The following CERS6 variants were observed in gnomAD, a reference collection of about 807,000 sequenced individuals.
CERS6 encodes ceramide synthase 6, also known as LAG1 homolog, ceramide synthase 6.
A neutral mutation model predicts 56.8 loss-of-function variants in CERS6; 26 were observed. The observed-to-expected ratio is 0.46, with a 90% CI of 0.34 to 0.63. The LOEUF is 0.63. Ranked by LOEUF, CERS6 falls within the 30% of genes least tolerant of loss-of-function variation. The pLI is 0.01. For missense variants in CERS6, 415 were observed against 467.5 expected (o/e 0.89, Z 1.04); for synonymous variants, 164 against 173.3 (o/e 0.95, Z 0.42).
chr2:168,730,962 C>G (rs1683515278), intron 8 of CERS6, among the ~76,000 whole-genome samples: 1 of 152,108 alleles, frequency 6.6e-6, no homozygotes, highest in Admixed American at 6.6e-5. Flanking sequence ...CCATTGGAAA[C>G]ATGTTCAAAG....
intron 8 of CERS6, among the ~76,000 whole-genome samples, chr2:168,740,264 A>G (rs1166989801): frequency 6.6e-6 from 1 of 152,244 alleles, no homozygotes; most frequent in East Asian, 1.9e-4. Flanking sequence ...AAAAAATAGA[A>G]AAGAAATGAC....
At chr2:168,766,428 C>G in intron 9 of CERS6, 1 of 1,229,734 alleles carries the variant, frequency 8.1e-7, no homozygotes, top group South Asian at 1.2e-5. Flanking sequence ...TTTGTTTCCA[C>G]GCATATTGTT....
At chr2:168,493,442 A>G (rs1317677659) in intron 1 of CERS6, among the ~76,000 whole-genome samples, 1 of 152,148 alleles carries the variant, frequency 6.6e-6, no homozygotes, top group African/African-American at 2.4e-5. Context: ...GCTAATAAAC[A>G]CGGAAGCTGA....
chr2:168,646,576 G>A (rs945641894), intron 4 of CERS6, among the ~76,000 whole-genome samples: 5 of 152,098 alleles, frequency 3.3e-5, no homozygotes, highest in Admixed American at 6.6e-5. Flanking sequence ...CTTTTGTTGC[G>A]ATTGCTTTTG....
chr2:168,553,258 T>G (rs1414318539), intron 2 of CERS6, among the ~76,000 whole-genome samples: 3 of 152,170 alleles, frequency 2.0e-5, no homozygotes, highest in Non-Finnish European at 2.9e-5. Context: ...ATCTCTGTAA[T>G]AGGAATCCCT....
At chr2:168,510,533 A>G (rs766389387) in intron 1 of CERS6, among the ~76,000 whole-genome samples, 13 of 152,126 alleles carry the variant, frequency 8.5e-5, no homozygotes, top group Admixed American at 2.0e-4. Context: ...GTGTGAGTAC[A>G]CTCTGTGTTG....
chr2:168,472,773 G>C (rs929660563), intron 1 of CERS6, among the ~76,000 whole-genome samples: 1 of 152,118 alleles, frequency 6.6e-6, no homozygotes, highest in African/African-American at 2.4e-5. Context: ...ACAGATTAAG[G>C]ATGTTAAATA....
At chr2:168,569,827 A>C (rs1159771635) in intron 3 of CERS6, among the ~76,000 whole-genome samples, 1 of 152,186 alleles carries the variant, frequency 6.6e-6, no homozygotes, top group Non-Finnish European at 1.5e-5. Flanking sequence ...TGGATTCGTA[A>C]AATGGGCACA....
intron 2 of CERS6, among the ~76,000 whole-genome samples, chr2:168,556,356 G>A (rs1386593133): frequency 6.6e-6 from 1 of 152,070 alleles, no homozygotes; most frequent in Non-Finnish European, 1.5e-5. Flanking sequence ...CATTTTATTA[G>A]TAGATCTAAC....
intron 1 of CERS6, among the ~76,000 whole-genome samples, chr2:168,526,314 G>A (rs1277448005): frequency 1.3e-5 from 2 of 152,134 alleles, no homozygotes; most frequent in East Asian, 3.8e-4. Context: ...TTTTAATCCT[G>A]TGAGTTTCCA....
intron 8 of CERS6, among the ~76,000 whole-genome samples, chr2:168,725,783 G>C (rs1383202989): frequency 6.6e-6 from 1 of 152,196 alleles, no homozygotes; most frequent in East Asian, 1.9e-4. Context: ...AGTGTTAAAA[G>C]TTTAAATATT....
chr2:168,533,966 C>T lies in CERS6; in HGVS notation c.171-13630C>T, dbSNP rs147984164. 6.3e-3 allele frequency among the ~76,000 whole-genome samples: 964 copies of T among 151,848 alleles called. 8 individuals carry two copies. Among genetic ancestry groups the T allele is most frequent in the African/African-American group, 0.02 (846 of 41,390 alleles). ...GTCTGCATGCCTTATTTCAGTAGGGCGGTCTTCAAACTCTGATATGCTTTC... is the reference window on the plus strand; with the variant it reads ...GTCTGCATGCCTTATTTCAGTAGGGTGGTCTTCAAACTCTGATATGCTTTC... On this transcript the variant is annotated intron_variant, in intron 1 of 9. Coordinates refer to ENST00000305747, the MANE Select transcript of CERS6 (RefSeq NM_203463.3).
chr2:168,636,951 G>C (rs538611807), intron 4 of CERS6, among the ~76,000 whole-genome samples: 2 of 152,086 alleles, frequency 1.3e-5, no homozygotes, highest in African/African-American at 4.8e-5. Context: ...TGACCTTTAC[G>C]CAAGCCTCTT....
At chr2:168,490,219 G>A (rs992248025) in intron 1 of CERS6, among the ~76,000 whole-genome samples, 1 of 152,158 alleles carries the variant, frequency 6.6e-6, no homozygotes, top group African/African-American at 2.4e-5. Flanking sequence ...CAGGAATTGT[G>A]CTGATTCATG....
At chr2:168,620,054 CACACACACAT>C (rs777435356) in intron 3 of CERS6, among the ~76,000 whole-genome samples, 3,904 of 138,236 alleles carry the variant, frequency 0.028, 217 homozygotes, top group African/African-American at 0.071. Flanking sequence ...CACACACACA[CACACACACAT>C]ATTTATATAT....
intron 3 of CERS6, among the ~76,000 whole-genome samples, chr2:168,611,608 A>G (rs972253718): frequency 1.3e-5 from 2 of 152,240 alleles, no homozygotes; most frequent in African/African-American, 2.4e-5. Flanking sequence ...CCACATTGCC[A>G]TGGAAATTCA....
chr2:168,619,941 C>T (rs1490425534), intron 3 of CERS6, among the ~76,000 whole-genome samples: 1 of 146,198 alleles, frequency 6.8e-6, no homozygotes, highest in Non-Finnish European at 1.5e-5. Context: ...AAATGCCCAT[C>T]AATCAACAAA....
intron 3 of CERS6, among the ~76,000 whole-genome samples, chr2:168,584,216 C>T (rs1683486971): frequency 6.6e-6 from 1 of 152,180 alleles, no homozygotes; most frequent in African/African-American, 2.4e-5. Context: ...ATAGCTGAGT[C>T]ACAGACATAA....
chr2:168,680,077 T>C (rs150680181), intron 4 of CERS6, among the ~76,000 whole-genome samples: 42 of 152,292 alleles, frequency 2.8e-4, no homozygotes, highest in African/African-American at 9.6e-4. Flanking sequence ...GACTCACAAA[T>C]GCTTAAAATC....
Sources: allele counts gnomAD v4.1 joint callset (sites outside exome capture counted in the v4.1 genomes callset), GRCh38; gene constraint gnomAD v4.1.1; transcripts MANE v1.5; gene names NCBI Gene and HGNC (gene_info 2026-07-23, HGNC 2026-07-21).